Variants in SDHAF4 observed in about 807,000 individuals in gnomAD.
SDHAF4 encodes succinate dehydrogenase complex assembly factor 4, also known as succinate dehydrogenase assembly factor 4, mitochondrial.
Under a neutral mutation model 14.3 loss-of-function variants are expected in SDHAF4, and 14 were observed. That is an observed-to-expected ratio of 0.98 (90% CI 0.65 to 1.53). The LOEUF (loss-of-function observed/expected upper bound fraction) is 1.53. SDHAF4 is among the 40% of genes most tolerant of loss of function. The pLI is 0.00. For synonymous variants in SDHAF4, 63 were observed against 47.3 expected, an observed-to-expected ratio of 1.33 and a Z score of -1.36; for missense variants, 141 against 129.3, an observed-to-expected ratio of 1.09 and a Z score of -0.44.
chr6:70,567,152 C>T lies in SDHAF4; in HGVS notation c.64+148C>T, dbSNP rs150541326. On this transcript the variant is annotated intron_variant, in intron 1 of 2. Coordinates refer to ENST00000370474, the MANE Select transcript of SDHAF4 (RefSeq NM_145267.3). ...CCAGCTTCTCCCGCCCAGCCGCCCA[C>T]CCGGTGGCCTGGGCAGGTTCCTGCA... 482 of 792,188 alleles carry T rather than the reference C, an allele frequency of 6.1e-4. 1 individual carries two copies. The highest frequency in any genetic ancestry group is 7.7e-4 in the Non-Finnish European group (392 of 509,434). The allele number at this position is 792,188 out of a possible 1,614,324, so 49.1% of individuals were successfully genotyped here.
At chr6:70,574,394 C>T (rs553759216) in intron 1 of SDHAF4, among the ~76,000 whole-genome samples, 4 of 151,976 alleles carry the variant, frequency 2.6e-5, no homozygotes, top group Admixed American at 2.6e-4. Flanking sequence ...GGCCTAAACA[C>T]GGGTGTGGGT....
chr6:70,566,931 A>G lies in SDHAF4; in HGVS notation c.-10A>G. On this transcript the variant is annotated 5_prime_UTR_variant, in exon 1 of 3. Coordinates refer to ENST00000370474, the MANE Select transcript of SDHAF4 (RefSeq NM_145267.3). The stretch of plus-strand genomic sequence containing the variant: ...TTTGCGCCTGCGCGGAGGCTCGGGG[A>G]GTCGGCGCCATGACCCCATCGAGGC... The G allele has an allele frequency of 1.3e-6, 2 of 1,575,242 alleles. No homozygotes were observed. The highest frequency in any genetic ancestry group is 1.7e-6 in the Non-Finnish European group (2 of 1,160,332).
chr6:70,579,440 A>C lies in SDHAF4; in HGVS notation c.91A>C (p.Arg31=), dbSNP rs904709081. 6 of 1,606,492 alleles carry C rather than the reference A, an allele frequency of 3.7e-6. No individual in the cohort carries two copies. Among genetic ancestry groups the C allele is most frequent in the Non-Finnish European group, 4.3e-6 (5 of 1,176,182 alleles). Residue 31 remains arginine, a synonymous_variant, in exon 2 of 3, where the codon AGG becomes CGG. Transcript: ENST00000370474. Reference sequence around the variant, plus strand: ...ATCACCCCTTCTGTGTCATTCTCTGAGGAAAACAAGTTCTTCTCAAGGAGG... The same window carrying C: ...ATCACCCCTTCTGTGTCATTCTCTGCGGAAAACAAGTTCTTCTCAAGGAGG... ...ARSPLLCHSL[R]KTSSSQGGKS...
At chr6:70,591,766 A>G (rs963812888), downstream of SDHAF4, among the ~76,000 whole-genome samples, 3 of 152,266 alleles carry the variant, frequency 2.0e-5, no homozygotes, top group Admixed American at 6.5e-5. Context: ...TTTGTGGAAC[A>G]TAAAATTCAC....
Position 70,588,751 on chromosome 6 carries a change from G to T in SDHAF4, c.*27G>T. 1.5e-6 allele frequency: 2 copies of T among 1,308,634 alleles called. No homozygotes were observed. Among genetic ancestry groups the T allele is most frequent in the Middle Eastern group, 1.9e-4 (1 of 5,330 alleles). The allele number at this position is 1,308,634 out of a possible 1,614,324, so 81.1% of individuals were successfully genotyped here. On this transcript the variant is annotated 3_prime_UTR_variant, in exon 3 of 3. Transcript: ENST00000370474. ...TCGCATATTCTTTAACTTCAATATT[G>T]TTTTCTGAATATGTACATCTGAATT...
chr6:70,568,967 T>TTC (rs1802142429), intron 1 of SDHAF4, among the ~76,000 whole-genome samples: 2 of 128,956 alleles, frequency 1.6e-5, no homozygotes, highest in Non-Finnish European at 3.2e-5. Flanking sequence ...TTTTTCTTTT[T>TTC]TTTTTTTTTT....
chr6:70,567,533 T>C (rs780166233), intron 1 of SDHAF4: 3 of 152,644 alleles, frequency 2.0e-5, no homozygotes, highest in Non-Finnish European at 2.9e-5. Context: ...ATAACGTAAA[T>C]TAGATGAAGC....
At chr6:70,585,991 C>A (rs981131029) in intron 2 of SDHAF4, among the ~76,000 whole-genome samples, 6 of 152,112 alleles carry the variant, frequency 3.9e-5, no homozygotes, top group African/African-American at 1.4e-4. Flanking sequence ...TTTTGGCAAA[C>A]CTTTAGAGGG....
rs767735618 is a variant in SDHAF4 at position 70,567,018 on chromosome 6, C to T, written c.64+14C>T. On this transcript the variant is annotated intron_variant, in intron 1 of 2. Transcript: ENST00000370474. ...GGAGAGCGGCAAGTAAGCACCTGGC[C>T]TCGGGGCCACGGTCGCGGGAGGGGT... The T allele has an allele frequency of 1.3e-6, 2 of 1,576,356 alleles. No individual in the cohort carries two copies. Among genetic ancestry groups the T allele is most frequent in the Non-Finnish European group, 1.7e-6 (2 of 1,160,994 alleles).
In SDHAF4 at chr6:70,583,451, A is replaced by C. The variant is rs1265249478; in HGVS notation, c.217+3885A>C. On this transcript the variant is annotated intron_variant, in intron 2 of 2. Coordinates refer to ENST00000370474, the MANE Select transcript of SDHAF4 (RefSeq NM_145267.3). ...TTTTATAAGTAGATAAGGTGTGGTG[A>C]GGAGACATTTCAAAATACCTGGAGA... Among the ~76,000 whole-genome samples the C allele has an allele frequency of 9.9e-5, 15 of 152,270 alleles. 1 individual carries two copies. Among genetic ancestry groups the C allele is most frequent in the East Asian group, 5.8e-4 (3 of 5,172 alleles).
In SDHAF4 at chr6:70,589,259, A is replaced by AG. The variant is rs1765237676; in HGVS notation, c.*537dup. The AG allele has an allele frequency of 6.6e-6, 1 of 151,872 alleles. No individual in the cohort carries two copies. The highest frequency in any genetic ancestry group is 2.4e-5 in the African/African-American group (1 of 41,354). 9.4% of individuals were successfully genotyped at this position (151,872 alleles called of 1,614,324 possible). A position where few individuals can be genotyped will look rare whatever the true frequency, so the allele number is the denominator to read the frequency against. Reference sequence around the variant, plus strand: ...AACTCACTGCAACTTCCGCCCCGCCAGGTTCAAGCAATTCTCCTGCCTCAG... The same window carrying AG: ...AACTCACTGCAACTTCCGCCCCGCCAGGGTTCAAGCAATTCTCCTGCCTCAG... On this transcript the variant is annotated 3_prime_UTR_variant, in exon 3 of 3. Coordinates refer to ENST00000370474, the MANE Select transcript of SDHAF4 (RefSeq NM_145267.3).
intron 1 of SDHAF4, among the ~76,000 whole-genome samples, chr6:70,575,057 G>T (rs1802235243): frequency 6.6e-6 from 1 of 152,294 alleles, no homozygotes; most frequent in African/African-American, 2.4e-5. Context: ...TGTCCTGAAA[G>T]CTCTGTATCC....
At chr6:70,587,104 G>A (rs1173725066) in intron 2 of SDHAF4, among the ~76,000 whole-genome samples, 1 of 151,746 alleles carries the variant, frequency 6.6e-6, no homozygotes, top group Non-Finnish European at 1.5e-5. Flanking sequence ...CCTGGAGGCG[G>A]AGGTTGCAGT....
intron 2 of SDHAF4, among the ~76,000 whole-genome samples, chr6:70,582,723 T>C: frequency 6.6e-6 from 1 of 152,130 alleles, no homozygotes; most frequent in South Asian, 2.1e-4. Context: ...TCTACCCTTT[T>C]AACATCTCTC....
rs766207649 is a variant in SDHAF4 at position 70,571,095 on chromosome 6, GTTTTGT to G, written c.64+4100_64+4105del. Among the ~76,000 whole-genome samples the G allele has an allele frequency of 1.1e-4, 16 of 151,944 alleles. No homozygotes were observed. In the South Asian group the frequency reaches 2.3e-3, roughly 22 times the overall value. ...TTTCTATGTAGAGTTTTGGGATTTT[GTTTTGT>G]TTTTGTTTATGTATTTGTATTTGTT... On this transcript the variant is annotated intron_variant, in intron 1 of 2. Coordinates refer to ENST00000370474, the MANE Select transcript of SDHAF4 (RefSeq NM_145267.3).
At chr6:70,595,523 C>T in the SDHAF4 span, among the ~76,000 whole-genome samples, 131 of 152,268 alleles carry the variant, frequency 8.6e-4, no homozygotes, top group African/African-American at 2.7e-3. Context: ...TAGAAATATT[C>T]TATAATTCAG....
chr6:70,573,524 A>G (rs542503069), intron 1 of SDHAF4, among the ~76,000 whole-genome samples: 3 of 151,390 alleles, frequency 2.0e-5, no homozygotes, highest in African/African-American at 7.3e-5. Context: ...TCAGCCTCCC[A>G]AATTGCTAGG....
At chr6:70,594,694 C>T in the SDHAF4 span, among the ~76,000 whole-genome samples, 5 of 152,180 alleles carry the variant, frequency 3.3e-5, no homozygotes, top group African/African-American at 4.8e-5. Context: ...GGGTATATCA[C>T]CTGAGGCCAG....
chr6:70,573,487 C>T (rs180908997), intron 1 of SDHAF4, among the ~76,000 whole-genome samples: 87 of 151,518 alleles, frequency 5.7e-4, no homozygotes, highest in Non-Finnish European at 9.3e-4. Context: ...TGGTCTTGAA[C>T]CCCTGACCTC....
Sources: allele counts gnomAD v4.1 joint callset (sites outside exome capture counted in the v4.1 genomes callset), GRCh38; gene constraint gnomAD v4.1.1; transcripts MANE v1.5; gene names NCBI Gene and HGNC (gene_info 2026-07-23, HGNC 2026-07-21).